The following LRRK2 variants were observed in gnomAD, a reference collection of about 807,000 sequenced individuals.
LRRK2 encodes the protein leucine-rich repeat serine/threonine-protein kinase 2.
A neutral mutation model predicts 302.6 loss-of-function variants in LRRK2; 203 were observed. The observed-to-expected ratio is 0.67, with a 90% CI of 0.60 to 0.75. The LOEUF is 0.75. Among genes scored for constraint, LRRK2 ranks in the 30% least tolerant of loss-of-function variants. LRRK2 has a pLI of 0.00. For synonymous variants in LRRK2, 1,066 were observed against 1,031.9 expected (o/e 1.03, Z -0.63); for missense variants, 2,830 against 2,951.0 (o/e 0.96, Z 0.95).
chr12:40,352,772 T>C (rs1429792862), intron 44 of LRRK2, among the ~76,000 whole-genome samples: 1 of 151,530 alleles, frequency 6.6e-6, no homozygotes, highest in Non-Finnish European at 1.5e-5. Flanking sequence ...GAGCACCGGG[T>C]TGGGGGCAAG....
At position 40,314,274 on chromosome 12, in the gene LRRK2, T is replaced by TC. The variant is rs1945136404; in HGVS notation, c.4738+103dup. 5 of 1,206,330 alleles carry TC rather than the reference T, an allele frequency of 4.1e-6. No individual in the cohort carries two copies. In the African/African-American group the frequency reaches 7.6e-5, roughly 18 times the overall value. The allele number at this position is 1,206,330 out of a possible 1,614,324, so 74.7% of individuals were successfully genotyped here. On this transcript the variant is annotated intron_variant, in intron 32 of 50. Transcript: ENST00000298910. Reference sequence around the variant, plus strand: ...ATTTACATTCAAAGTTGAGAGAATATCCATACGGTTCTTTAATAGGCCACT... The same window carrying TC: ...ATTTACATTCAAAGTTGAGAGAATATCCCATACGGTTCTTTAATAGGCCACT...
chr12:40,271,108 T>C (rs935831899), intron 14 of LRRK2, among the ~76,000 whole-genome samples: 3 of 152,088 alleles, frequency 2.0e-5, no homozygotes, highest in African/African-American at 7.2e-5. Context: ...TTCATTATTT[T>C]AGCTCTCTTC....
intron 30 of LRRK2, 88 bp downstream of exon 30, chr12:40,309,321 G>A (rs1944955239): frequency 6.8e-7 from 1 of 1,476,152 alleles, no homozygotes; most frequent in Non-Finnish European, 9.1e-7. Context: ...TTTATTTTGG[G>A]CAAACAATTG....
chr12:40,332,845 A>T (rs12367542), intron 39 of LRRK2, among the ~76,000 whole-genome samples: 41,150 of 151,636 alleles, frequency 0.27, 5,888 homozygotes, highest in South Asian at 0.37. Flanking sequence ...CTATGGTGGA[A>T]ATTAGTACAT....
Position 40,322,522 on chromosome 12 carries a change from T to C in LRRK2, c.5509+12T>C, listed in dbSNP as rs765257947. ...GAAAGCAGAGGAAGGTATGTTTTGATACAACTTACAAATGCTTTTAAGTGA... is the reference window on the plus strand; with the variant it reads ...GAAAGCAGAGGAAGGTATGTTTTGACACAACTTACAAATGCTTTTAAGTGA... On this transcript the variant is annotated intron_variant, in intron 37 of 50. Transcript: ENST00000298910. The C allele has an allele frequency of 3.7e-6, 6 of 1,608,986 alleles. No homozygotes were observed. In the African/African-American group the frequency reaches 8.0e-5, roughly 22 times the overall value.
At chr12:40,250,966 C>G (rs1942239924) in intron 8 of LRRK2, among the ~76,000 whole-genome samples, 1 of 149,304 alleles carries the variant, frequency 6.7e-6, no homozygotes, top group African/African-American at 2.4e-5. Flanking sequence ...CTGTGATGAA[C>G]TAATCTTTTC....
intron 18 of LRRK2, 127 bp from the exon 19 acceptor site, chr12:40,283,741 GTTTTGCC>G (rs1943801233): frequency 1.4e-6 from 1 of 705,736 alleles, no homozygotes; most frequent in African/African-American, 1.8e-5. Context: ...TCAAGGATCA[GTTTTGCC>G]TTATTTTATT....
Position 40,299,152 on chromosome 12 carries a change from C to A in LRRK2, c.3391C>A (p.Leu1131Met), listed in dbSNP as rs1236580747. Residue 1131 changes from leucine to methionine, a missense_variant, in exon 25 of 51, where the codon CTG (leucine) becomes ATG (methionine). Around this residue, in one of 3 missense-constraint regions of LRRK2, gnomAD observed 2,121 missense variants for 2,148.0 expected, o/e 0.99. Transcript: ENST00000298910. Reference protein sequence around the residue: ...GICSPLRLKELKILNLSKNHI... With the variant: ...GICSPLRLKEMKILNLSKNHI... ...ATGCTCCCCCTTGAGACTGAAGGAA[C>A]TGAAGATTTTAAACCTTAGTAAGAA... 6.2e-7 allele frequency: 1 copy of A among 1,613,136 alleles called. No individual in the cohort carries two copies. The highest frequency in any genetic ancestry group is 8.5e-7 in the Non-Finnish European group (1 of 1,179,708).
rs371316424 is a variant in LRRK2, at chr12:40,283,944, G to C, written c.2311G>C (p.Val771Leu). ...LLNSGSREQD[V>L]RKALTISIGK... ...GAATAGTGGATCTCGTGAACAAGATGTACGAAAAGCGTTGACGATAAGCAT... is the reference window on the plus strand; with the variant it reads ...GAATAGTGGATCTCGTGAACAAGATCTACGAAAAGCGTTGACGATAAGCAT... Residue 771 changes from valine to leucine, a missense_variant, in exon 19 of 51, where the codon GTA (valine) becomes CTA (leucine). By Grantham distance (32) the Val-to-Leu change is conservative. Coordinates refer to ENST00000298910, the MANE Select transcript of LRRK2 (RefSeq NM_198578.4). 6.2e-7 allele frequency: 1 copy of C among 1,613,734 alleles called. No homozygotes were observed. Among genetic ancestry groups the C allele is most frequent in the Non-Finnish European group, 8.5e-7 (1 of 1,179,848 alleles).
At chr12:40,299,353 A>T in intron 25 of LRRK2, 96 bp downstream of exon 25, 1 of 1,348,972 alleles carries the variant, frequency 7.4e-7, no homozygotes, top group Non-Finnish European at 1.1e-6. Context: ...TAAAAGTGGC[A>T]TTTCAGTTTA....
intron 1 of LRRK2, 132 bp downstream of exon 1, chr12:40,225,414 C>T: frequency 7.7e-7 from 1 of 1,293,012 alleles, no homozygotes; most frequent in Non-Finnish European, 1.1e-6. Context: ...ACTCCCATAT[C>T]CTTTCCTTAG....
intron 45 of LRRK2, among the ~76,000 whole-genome samples, chr12:40,355,526 TC>T (rs1592334113): frequency 5.0e-5 from 1 of 19,936 alleles, no homozygotes; most frequent in Non-Finnish European, 1.3e-4. Context: ...CCTCCCTCCC[TC>T]CCTTCCTTCC....
intron 27 of LRRK2, 33 bp downstream of exon 27, chr12:40,304,167 T>A (rs749875963): frequency 3.8e-6 from 6 of 1,592,398 alleles, no homozygotes; most frequent in Non-Finnish European, 4.3e-6. Context: ...AAAAATATAC[T>A]TTATGATTTG....
chr12:40,225,140 T>C lies in LRRK2; in HGVS notation c.9T>C (p.Ser3=), dbSNP rs1940799699. Residue 3 remains serine, a synonymous_variant, in exon 1 of 51, where the codon AGT becomes AGC. Coordinates refer to ENST00000298910, the MANE Select transcript of LRRK2 (RefSeq NM_198578.4). ...TGGAAGCAGGTGCCACCATGGCTAG[T>C]GGCAGCTGTCAGGGGTGCGAAGAGG... MA[S]GSCQGCEEDE... 2 of 1,613,850 alleles carry C rather than the reference T, an allele frequency of 1.2e-6. No individual in the cohort carries two copies. The highest frequency in any genetic ancestry group is 1.7e-6 in the Non-Finnish European group (2 of 1,179,986).
chr12:40,298,157 A>G lies in LRRK2; in HGVS notation c.3097-86A>G, dbSNP rs1306971115. 3 of 1,381,160 alleles carry G rather than the reference A, an allele frequency of 2.2e-6. No homozygotes were observed. The East Asian group carries it at 6.9e-5, about 32-fold the overall frequency. The allele number at this position is 1,381,160 out of a possible 1,614,324, so 85.6% of individuals were successfully genotyped here. A position where few individuals can be genotyped will look rare whatever the true frequency, so the allele number is the denominator to read the frequency against. The stretch of plus-strand genomic sequence containing the variant: ...TTGAAAATTCTTGATGGTTCTAGTT[A>G]CCAGAGGTGTGTAAGGCAGAAATAT... On this transcript the variant is annotated intron_variant, in intron 23 of 50. Coordinates refer to ENST00000298910, the MANE Select transcript of LRRK2 (RefSeq NM_198578.4).
At chr12:40,326,989 G>A (rs961664228) in intron 38 of LRRK2, among the ~76,000 whole-genome samples, 1 of 152,154 alleles carries the variant, frequency 6.6e-6, no homozygotes, top group South Asian at 2.1e-4. Flanking sequence ...AAAATAAATA[G>A]GTAGAGGCTT....
intron 20 of LRRK2, among the ~76,000 whole-genome samples, chr12:40,288,197 C>T (rs1944001943): frequency 6.6e-6 from 1 of 151,290 alleles, no homozygotes; most frequent in East Asian, 1.9e-4. Flanking sequence ...GAGAGTTGTT[C>T]CAAAATATTG....
chr12:40,314,736 T>C (rs945241043), intron 32 of LRRK2, among the ~76,000 whole-genome samples: 6 of 152,002 alleles, frequency 3.9e-5, no homozygotes, highest in African/African-American at 1.4e-4. Flanking sequence ...GTGTGAGTTG[T>C]TTGATAGTAC....
rs1592220766 is a variant in LRRK2, at chr12:40,283,990, T to C, written c.2357T>C (p.Ile786Thr). ...TISIGKGDSQ[I>T]ISLLLRRLAL... ...AGCATTGGGAAAGGTGACAGCCAGA[T>C]CATCAGCTTGCTCTTAAGGAGGCTG... The change falls in exon 19 of 51, where the codon ATC becomes ACC. Residue 786 changes from isoleucine (I) to threonine (T), a missense_variant. Around this residue, in one of 3 missense-constraint regions of LRRK2, gnomAD observed 2,121 missense variants for 2,148.0 expected, o/e 0.99. Coordinates refer to ENST00000298910, the MANE Select transcript of LRRK2 (RefSeq NM_198578.4). 2 of 1,614,032 alleles carry C rather than the reference T, an allele frequency of 1.2e-6. No homozygotes were observed. Among genetic ancestry groups the C allele is most frequent in the Non-Finnish European group, 1.7e-6 (2 of 1,179,914 alleles).
Sources: allele counts gnomAD v4.1 joint callset (sites outside exome capture counted in the v4.1 genomes callset), GRCh38; gene constraint gnomAD v4.1.1; regional missense constraint gnomAD v4.1.1; transcripts MANE v1.5; gene names NCBI Gene and HGNC (gene_info 2026-07-23, HGNC 2026-07-21).